The following DMBT1 variants were observed in gnomAD, a reference collection of about 807,000 sequenced individuals.
The protein encoded by DMBT1 is deleted in malignant brain tumors 1, also known as scavenger receptor cysteine-rich domain-containing protein DMBT1.
In DMBT1, 198 loss-of-function variants were observed where a neutral mutation model predicts 252.9. The ratio of observed to expected loss-of-function variants is 0.78; its 90% confidence interval spans 0.70 to 0.88. DMBT1 has a LOEUF of 0.88. DMBT1 is among the 40% of genes least tolerant of loss of function. The probability of loss-of-function intolerance (pLI) is 0.00; values close to 1 mark genes in which losing one functional copy is unlikely to be tolerated. For missense variants in DMBT1, 2,432 were observed against 2,404.7 expected (o/e 1.01, Z -0.24); for synonymous variants, 990 against 942.7 (o/e 1.05, Z -0.92).
intron 26 of DMBT1, among the ~76,000 whole-genome samples, chr10:122,599,681 A>T (rs893447587): frequency 3.9e-5 from 6 of 152,180 alleles, no homozygotes; most frequent in Admixed American, 3.9e-4. Context: ...GGCAGCCCCC[A>T]TGAGGCCGGC....
intron 53 of DMBT1, among the ~76,000 whole-genome samples, chr10:122,636,526 G>A (rs1455140128): frequency 6.6e-6 from 1 of 152,212 alleles, no homozygotes; most frequent in Non-Finnish European, 1.5e-5. Flanking sequence ...GAAACCTTGT[G>A]ACCTTCTCAG....
chr10:122,569,038 A>G (rs1428522077), intron 2 of DMBT1, among the ~76,000 whole-genome samples: 1 of 152,194 alleles, frequency 6.6e-6, no homozygotes, highest in African/African-American at 2.4e-5. Context: ...CTTAATTGAT[A>G]TTGGAGGGCA....
intron 15 of DMBT1, among the ~76,000 whole-genome samples, 189 bp downstream of exon 15, chr10:122,585,498 G>A (rs1443477539): frequency 6.8e-6 from 1 of 147,910 alleles, no homozygotes. Flanking sequence ...GAGGGTGCTG[G>A]TGACTTTTCT....
intron 1 of DMBT1, among the ~76,000 whole-genome samples, chr10:122,562,622 C>T (rs2097558241): frequency 6.6e-6 from 1 of 152,234 alleles, no homozygotes; most frequent in Non-Finnish European, 1.5e-5. Context: ...CCACTGTAGA[C>T]AGGGAGTGAA....
chr10:122,579,976 A>G, intron 10 of DMBT1, 75 bp downstream of exon 10: 8 of 1,605,322 alleles, frequency 5.0e-6, no homozygotes, highest in South Asian at 1.1e-5. Flanking sequence ...TTACATTCTG[A>G]TCTCCTCACT....
chr10:122,590,838 A>G, intron 18 of DMBT1, 144 bp downstream of exon 18: 3 of 1,074,674 alleles, frequency 2.8e-6, no homozygotes, highest in Admixed American at 4.1e-5. Context: ...AGACCCTAGC[A>G]TGGAGCTTCT....
At position 122,630,359 on chromosome 10, in the gene DMBT1, T is replaced by C. The variant is rs764774305; in HGVS notation, c.5894T>C (p.Leu1965Pro). The change falls in exon 48 of 56, where the codon CTG becomes CCG. Residue 1965 changes from leucine to proline, a missense_variant. By Grantham distance (98) the Leu-to-Pro change is moderately conservative. Transcript: ENST00000338354. ...IFDGSLNSSL[L>P]LGKICNDTRQ... Reference sequence around the variant, plus strand: ...GATGGATCATTGAATAGCAGTCTCCTGCTGGGGAAAATCTGTAATGATACC... The same window carrying C: ...GATGGATCATTGAATAGCAGTCTCCCGCTGGGGAAAATCTGTAATGATACC... 8 of 1,613,938 alleles carry C rather than the reference T, an allele frequency of 5.0e-6. No homozygotes were observed. The highest frequency in any genetic ancestry group is 2.7e-5 in the African/African-American group (2 of 74,944).
chr10:122,632,344 C>A (rs909459), intron 50 of DMBT1, among the ~76,000 whole-genome samples: 37,963 of 151,616 alleles, frequency 0.25, 5,081 homozygotes, highest in African/African-American at 0.35. Flanking sequence ...CATCCATTCT[C>A]CACTGTGCAG....
chr10:122,625,637 A>G (rs1364576475), intron 45 of DMBT1, among the ~76,000 whole-genome samples: 2 of 152,278 alleles, frequency 1.3e-5, no homozygotes, highest in African/African-American at 2.4e-5. Context: ...CCTTCATTTT[A>G]GAAACATAGC....
At chr10:122,572,290 G>T (rs777269508) in intron 4 of DMBT1, 24 bp from the exon 5 acceptor site, 11 of 1,612,930 alleles carry the variant, frequency 6.8e-6, no homozygotes, top group Non-Finnish European at 9.3e-6. Flanking sequence ...CCATCAATGA[G>T]CTCTTCCTTT....
Position 122,588,875 on chromosome 10 carries a change from T to C in DMBT1, c.1784-69T>C. 12 of 1,578,244 alleles carry C rather than the reference T, an allele frequency of 7.6e-6. 1 individual carries two copies. The highest frequency in any genetic ancestry group is 1.2e-5 in the South Asian group (1 of 85,264). ...TTTGGCCATTAGGAAGTGCCCTGAG[T>C]GTGGAATGTGCCTTAGATCCTTGAC... On this transcript the variant is annotated intron_variant, in intron 16 of 55. Transcript: ENST00000338354.
Position 122,576,691 on chromosome 10 carries a change from C to CA in DMBT1, c.576_577insA (p.His193ThrfsTer3), listed in dbSNP as rs563654538. The CA allele has an allele frequency of 2.1e-4, 342 of 1,613,790 alleles. 4 individuals are homozygous for CA. The East Asian group carries it at 6.1e-3, about 29-fold the overall frequency. On this transcript the variant is annotated frameshift_variant, in exon 7 of 56. Coordinates refer to ENST00000338354, the MANE Select transcript of DMBT1 (RefSeq NM_001377530.1). LOFTEE classifies it high-confidence loss of function. ...ATGGCTGGCTCTCCCATAACTGTGG[C>CA]CATGGTGAAGATGCTGGTGTTATCT...
At chr10:122,599,809 G>A (rs946695048) in intron 26 of DMBT1, among the ~76,000 whole-genome samples, 3 of 152,070 alleles carry the variant, frequency 2.0e-5, no homozygotes, top group African/African-American at 4.8e-5. Context: ...CAAGGGAGAG[G>A]GTTGGTTTAG....
chr10:122,576,259 T>C, intron 6 of DMBT1, 140 bp from the exon 7 acceptor site: 1 of 1,278,082 alleles, frequency 7.8e-7, no homozygotes, highest in Non-Finnish European at 1.1e-6. Context: ...AACTCTAACC[T>C]TAAGGCCTGT....
At chr10:122,580,445 C>A (rs565410030) in intron 10 of DMBT1, among the ~76,000 whole-genome samples, 1 of 152,174 alleles carries the variant, frequency 6.6e-6, no homozygotes, top group Non-Finnish European at 1.5e-5. Context: ...CTGAGCATTG[C>A]CTGTGTTCTA....
chr10:122,596,937 G>A, intron 23 of DMBT1, 88 bp from the exon 24 acceptor site: 1 of 360,936 alleles, frequency 2.8e-6, no homozygotes, highest in Non-Finnish European at 4.6e-6. Flanking sequence ...GTGGACTGAA[G>A]GCATGATCTG....
chr10:122,579,038 G>A (rs559103601), intron 9 of DMBT1, among the ~76,000 whole-genome samples: 2 of 152,248 alleles, frequency 1.3e-5, no homozygotes, highest in East Asian at 3.9e-4. Context: ...TGGGTAGGGA[G>A]GAAGCTGGAG....
intron 14 of DMBT1, 31 bp from the exon 15 acceptor site, chr10:122,585,240 A>C (rs1236906629): frequency 1.3e-6 from 2 of 1,583,590 alleles, no homozygotes; most frequent in Admixed American, 1.7e-5. Flanking sequence ...ATCAACTTTA[A>C]TTCTAGCCTT....
chr10:122,589,665 A>G (rs1374461909), intron 17 of DMBT1, among the ~76,000 whole-genome samples: 1 of 148,318 alleles, frequency 6.7e-6, no homozygotes, highest in Non-Finnish European at 1.5e-5. Flanking sequence ...GCTTCTGCTG[A>G]CAGCCTCAGG....
Sources: gnomAD v4.1 joint callset for allele counts (sites outside exome capture counted in the v4.1 genomes callset) on GRCh38, gnomAD v4.1.1 for gene constraint, MANE v1.5 for transcripts, NCBI Gene and HGNC (gene_info 2026-07-23, HGNC 2026-07-21) for gene names.